Variants in KCNB2 observed in about 807,000 individuals in gnomAD.
The protein encoded by KCNB2 is potassium voltage-gated channel subfamily B member 2.
Under a neutral mutation model 61.5 loss-of-function variants are expected in KCNB2, and 15 were observed. The observed-to-expected ratio is 0.24, with a 90% CI of 0.16 to 0.38. The LOEUF is 0.38. KCNB2 is among the 10% of genes least tolerant of loss of function. The probability of loss-of-function intolerance (pLI) is 1.00; values close to 1 mark genes in which losing one functional copy is unlikely to be tolerated. For synonymous variants in KCNB2, 457 were observed against 446.0 expected (o/e 1.02, Z -0.31); for missense variants, 828 against 1,125.2 (o/e 0.74, Z 3.78).
At chr8:72,763,143 A>C (rs943566014) in intron 2 of KCNB2, among the ~76,000 whole-genome samples, 3 of 151,774 alleles carry the variant, frequency 2.0e-5, no homozygotes, top group African/African-American at 7.3e-5. Flanking sequence ...GTAGTAACTG[A>C]GAAAGGGCTT....
At chr8:72,764,108 A>G (rs1808426108) in intron 2 of KCNB2, among the ~76,000 whole-genome samples, 1 of 152,054 alleles carries the variant, frequency 6.6e-6, no homozygotes, top group Admixed American at 6.5e-5. Flanking sequence ...CAGGGGTGAA[A>G]GTGGAAAGGA....
intron 2 of KCNB2, among the ~76,000 whole-genome samples, chr8:72,667,052 TAGAGAGAA>T (rs1806487573): frequency 6.7e-6 from 1 of 150,110 alleles, no homozygotes; most frequent in African/African-American, 2.5e-5. Context: ...CAGAGAGAGA[TAGAGAGAA>T]AGAGAGAAAC....
chr8:72,669,732 A>C (rs186432346), intron 2 of KCNB2, among the ~76,000 whole-genome samples: 1 of 152,222 alleles, frequency 6.6e-6, no homozygotes, highest in Admixed American at 6.5e-5. Context: ...ATTTCAGTAC[A>C]AAACCCTGGG....
chr8:72,830,042 A>C (rs1456809239), intron 2 of KCNB2, among the ~76,000 whole-genome samples: 2 of 151,442 alleles, frequency 1.3e-5, no homozygotes, highest in South Asian at 4.2e-4. Context: ...AATTGCTACT[A>C]TTTGTCAACT....
At chr8:72,577,695 C>A (rs1806820282) in intron 2 of KCNB2, among the ~76,000 whole-genome samples, 1 of 152,130 alleles carries the variant, frequency 6.6e-6, no homozygotes. Context: ...GTGTTGGATG[C>A]CACTTTAAAT....
intron 1 of KCNB2, among the ~76,000 whole-genome samples, chr8:72,547,996 G>T (rs563831831): frequency 6.6e-6 from 1 of 152,114 alleles, no homozygotes; most frequent in Non-Finnish European, 1.5e-5. Context: ...CTACCACTGA[G>T]ATCAGTCAGC....
intron 2 of KCNB2, among the ~76,000 whole-genome samples, chr8:72,875,360 G>C (rs1004688552): frequency 6.6e-6 from 1 of 152,164 alleles, no homozygotes; most frequent in Non-Finnish European, 1.5e-5. Flanking sequence ...AGCCATAGCA[G>C]CCTGGCAGCC....
At chr8:72,885,059 A>G (rs1299648269) in intron 2 of KCNB2, among the ~76,000 whole-genome samples, 1 of 152,130 alleles carries the variant, frequency 6.6e-6, no homozygotes, top group Non-Finnish European at 1.5e-5. Context: ...ATCCTAAATG[A>G]GTGTTGAATT....
At chr8:72,770,525 T>G (rs1455621008) in intron 2 of KCNB2, among the ~76,000 whole-genome samples, 1 of 152,182 alleles carries the variant, frequency 6.6e-6, no homozygotes, top group Non-Finnish European at 1.5e-5. Context: ...AGCATAGCAG[T>G]GAAGTATTGG....
chr8:72,733,786 C>T (rs963214042), intron 2 of KCNB2, among the ~76,000 whole-genome samples: 1 of 151,988 alleles, frequency 6.6e-6, no homozygotes, highest in Non-Finnish European at 1.5e-5. Context: ...TGTAGCCCCC[C>T]GTTTGGTGTG....
At chr8:72,590,628 G>A (rs1807081996) in intron 2 of KCNB2, among the ~76,000 whole-genome samples, 1 of 152,298 alleles carries the variant, frequency 6.6e-6, no homozygotes, top group African/African-American at 2.4e-5. Flanking sequence ...AATCATTCCT[G>A]TGATGTCTTG....
chr8:72,904,833 A>C (rs1268914782), intron 2 of KCNB2, among the ~76,000 whole-genome samples: 1 of 151,564 alleles, frequency 6.6e-6, no homozygotes, highest in Non-Finnish European at 1.5e-5. Flanking sequence ...CTCTGCCCTT[A>C]CTTGCCTCCT....
At position 72,906,609 on chromosome 8, in the gene KCNB2, G is replaced by A. The variant is rs866073235; in HGVS notation, c.580-29326G>A. Reference sequence around the variant, plus strand: ...AGTAGAAGTTGGTTTGCAAATTAACGTGGTGGAGCCAAAATAGAGAATTGC... The same window carrying A: ...AGTAGAAGTTGGTTTGCAAATTAACATGGTGGAGCCAAAATAGAGAATTGC... On this transcript the variant is annotated intron_variant, in intron 2 of 2. Transcript: ENST00000523207. 5.3e-5 allele frequency among the ~76,000 whole-genome samples: 8 copies of A among 152,260 alleles called. No homozygotes were observed. The East Asian group carries it at 5.8e-4, about 11-fold the overall frequency.
intron 2 of KCNB2, among the ~76,000 whole-genome samples, chr8:72,784,007 G>T (rs1010930033): frequency 6.6e-6 from 1 of 152,002 alleles, no homozygotes; most frequent in Non-Finnish European, 1.5e-5. Context: ...TACATAACCA[G>T]TTCTAAGCGA....
chr8:72,582,188 G>A (rs1308543656), intron 2 of KCNB2, among the ~76,000 whole-genome samples: 1 of 152,212 alleles, frequency 6.6e-6, no homozygotes, highest in African/African-American at 2.4e-5. Flanking sequence ...GTCAGGGCAA[G>A]CTGCATCCCC....
intron 1 of KCNB2, among the ~76,000 whole-genome samples, chr8:72,559,761 A>T (rs1454689100): frequency 6.6e-6 from 1 of 152,140 alleles, no homozygotes; most frequent in Non-Finnish European, 1.5e-5. Flanking sequence ...TGACATGGGG[A>T]TAGATTAAGA....
chr8:72,755,263 G>A (rs1156924795), intron 2 of KCNB2, among the ~76,000 whole-genome samples: 1 of 152,170 alleles, frequency 6.6e-6, no homozygotes, highest in Non-Finnish European at 1.5e-5. Flanking sequence ...GTGGTATCCT[G>A]GATGGGATGC....
At chr8:72,556,368 A>G (rs1033992875) in intron 1 of KCNB2, among the ~76,000 whole-genome samples, 2 of 152,092 alleles carry the variant, frequency 1.3e-5, no homozygotes, top group Non-Finnish European at 2.9e-5. Flanking sequence ...ACAGAGACAC[A>G]TGGTAGGTTG....
chr8:72,836,113 C>A (rs35599237), intron 2 of KCNB2, among the ~76,000 whole-genome samples: 8,365 of 152,216 alleles, frequency 0.055, 336 homozygotes, highest in Non-Finnish European at 0.085. Flanking sequence ...GTTCACCTGC[C>A]CTTGTTTCTC....
Sources: gnomAD v4.1 joint callset for allele counts (sites outside exome capture counted in the v4.1 genomes callset) on GRCh38, gnomAD v4.1.1 for gene constraint, MANE v1.5 for transcripts, NCBI Gene and HGNC (gene_info 2026-07-23, HGNC 2026-07-21) for gene names.